Variants in KCNJ9 observed in about 807,000 individuals in gnomAD.
The protein encoded by KCNJ9 is G protein-activated inward rectifier potassium channel 3.
A neutral mutation model predicts 27.9 loss-of-function variants in KCNJ9; 18 were observed. That is an observed-to-expected ratio of 0.65 (90% confidence interval 0.45 to 0.96). The LOEUF is 0.96. Among genes scored for constraint, KCNJ9 ranks in the 40% least tolerant of loss-of-function variants. KCNJ9 has a pLI of 0.00. For missense variants in KCNJ9, 324 were observed against 557.5 expected, an observed-to-expected ratio of 0.58 and a Z score of 4.22; for synonymous variants, 229 against 248.2, an observed-to-expected ratio of 0.92 and a Z score of 0.73.
intron 1 of KCNJ9, among the ~76,000 whole-genome samples, chr1:160,082,461 CATTTT>C (rs1338638631): frequency 1.3e-5 from 2 of 152,182 alleles, no homozygotes; most frequent in Non-Finnish European, 2.9e-5. Context: ...AAAGCCATTT[CATTTT>C]GATTTCTCTT....
chr1:160,083,768 C>T, intron 1 of KCNJ9, 149 bp from the exon 2 acceptor site: 1 of 255,882 alleles, frequency 3.9e-6, no homozygotes, highest in Non-Finnish European at 7.3e-6. Flanking sequence ...GCCTGGGGGG[C>T]AGTTAGGGCT....
Position 160,088,938 on chromosome 1 carries a change from A to C in KCNJ9, c.*1121A>C, listed in dbSNP as rs749668439. On this transcript the variant is annotated 3_prime_UTR_variant, in exon 3 of 3. Coordinates refer to ENST00000368088, the MANE Select transcript of KCNJ9 (RefSeq NM_004983.3). ...TGTGGGTGATCAGAAGGCTGGGGCC[A>C]GTGTAAGGCATAGGGAATATGTAAG... 6.6e-6 allele frequency: 1 copy of C among 152,268 alleles called. No individual in the cohort carries two copies. Among genetic ancestry groups the C allele is most frequent in the Non-Finnish European group, 1.5e-5 (1 of 68,086 alleles). The allele number at this position is 152,268 out of a possible 1,614,324, so 9.4% of individuals were successfully genotyped here.
intron 2 of KCNJ9, among the ~76,000 whole-genome samples, 196 bp downstream of exon 2, chr1:160,085,076 T>G (rs1051859904): frequency 2.0e-5 from 3 of 152,186 alleles, no homozygotes; most frequent in Non-Finnish European, 4.4e-5. Flanking sequence ...AGAGAAAGCT[T>G]GGAGGAATTC....
At position 160,083,970 on chromosome 1, in the gene KCNJ9, C is replaced by G. The variant is rs922829719; in HGVS notation, c.-61C>G. ...GCGCCCAGCGACGCGCGGCAGGTGGCAGCAGCTCGGGCCCCCGCCGCACTC... is the reference window on the plus strand; with the variant it reads ...GCGCCCAGCGACGCGCGGCAGGTGGGAGCAGCTCGGGCCCCCGCCGCACTC... On this transcript the variant is annotated 5_prime_UTR_variant, in exon 2 of 3. Coordinates refer to ENST00000368088, the MANE Select transcript of KCNJ9 (RefSeq NM_004983.3). 5.0e-6 allele frequency: 6 copies of G among 1,205,586 alleles called. No individual in the cohort carries two copies. The African/African-American group carries it at 9.5e-5, about 19-fold the overall frequency. 74.7% of individuals were successfully genotyped at this position (1,205,586 alleles called of 1,614,324 possible).
rs1216201214 is a variant in KCNJ9 at position 160,084,276 on chromosome 1, C to T, written c.246C>T (p.Ile82=). The T allele has an allele frequency of 6.2e-7, 1 of 1,613,374 alleles. No homozygotes were observed. The highest frequency in any genetic ancestry group is 1.7e-5 in the Admixed American group (1 of 60,018). ...WLFFGAIWWL[I]AYGRGDLEHL... ...TCTTCGGCGCCATCTGGTGGCTGAT[C>T]GCCTACGGCCGCGGCGACCTGGAGC... The change falls in exon 2 of 3, where the codon ATC becomes ATT. Residue 82 remains isoleucine, a synonymous_variant. Transcript: ENST00000368088.
In KCNJ9 at chr1:160,088,568, GA is replaced by G; in HGVS notation, c.*755del. The G allele has an allele frequency of 6.5e-6, 1 of 152,728 alleles. No individual in the cohort carries two copies. The highest frequency in any genetic ancestry group is 1.5e-5 in the Non-Finnish European group (1 of 68,348). The allele number at this position is 152,728 out of a possible 1,614,324, so 9.5% of individuals were successfully genotyped here. On this transcript the variant is annotated 3_prime_UTR_variant, in exon 3 of 3. Coordinates refer to ENST00000368088, the MANE Select transcript of KCNJ9 (RefSeq NM_004983.3). Reference sequence around the variant, plus strand: ...GGGCCTGGAGAGGGGCCTGGGAAAGGAAAACCAGGGATAGCTATTTTCTTAC... The same window carrying G: ...GGGCCTGGAGAGGGGCCTGGGAAAGGAAACCAGGGATAGCTATTTTCTTAC...
intron 1 of KCNJ9, among the ~76,000 whole-genome samples, chr1:160,082,399 C>G (rs1446425118): frequency 6.6e-6 from 1 of 152,134 alleles, no homozygotes; most frequent in Non-Finnish European, 1.5e-5. Context: ...GCTCTTGGAC[C>G]CTGTGTCCCC....
intron 2 of KCNJ9, 32 bp downstream of exon 2, chr1:160,084,912 T>TG: frequency 9.1e-7 from 1 of 1,101,328 alleles, no homozygotes; most frequent in Non-Finnish European, 1.2e-6. Context: ...GGAGCGGGGT[T>TG]GGCAGAGGGT....
chr1:160,082,229 G>A (rs1649689497), intron 1 of KCNJ9, among the ~76,000 whole-genome samples: 2 of 152,322 alleles, frequency 1.3e-5, no homozygotes, highest in Admixed American at 1.3e-4. Context: ...GCCCACCTGG[G>A]ACTAAAGCTA....
In KCNJ9 at chr1:160,088,017, T is replaced by A. The variant is rs1019868043; in HGVS notation, c.*200T>A. ...GGGAGGGGTCCTGATTTCAGGGAAA[T>A]GGAGGGTGGGGCCGGGTGAAAATGC... is the stretch of plus-strand genomic sequence containing the variant. On this transcript the variant is annotated 3_prime_UTR_variant, in exon 3 of 3. Transcript: ENST00000368088. 4.4e-6 allele frequency: 2 copies of A among 453,598 alleles called. No individual in the cohort carries two copies. The highest frequency in any genetic ancestry group is 7.4e-6 in the Non-Finnish European group (2 of 269,554). 28.1% of individuals were successfully genotyped at this position (453,598 alleles called of 1,614,324 possible). A position where few individuals can be genotyped will look rare whatever the true frequency, so the allele number is the denominator to read the frequency against.
At position 160,089,180 on chromosome 1, in the gene KCNJ9, A is replaced by T. The variant is rs1033070518; in HGVS notation, c.*1363A>T. The T allele has an allele frequency of 1.3e-5, 2 of 152,346 alleles. No individual in the cohort carries two copies. Among genetic ancestry groups the T allele is most frequent in the African/African-American group, 4.8e-5 (2 of 41,462 alleles). 9.4% of individuals were successfully genotyped at this position (152,346 alleles called of 1,614,324 possible). On this transcript the variant is annotated 3_prime_UTR_variant, in exon 3 of 3. Coordinates refer to ENST00000368088, the MANE Select transcript of KCNJ9 (RefSeq NM_004983.3). ...GAATACTTGGAAGTCGTTTCAGGAC[A>T]TGGGGCATAGAAACTGAGGAGTAGC... is the stretch of plus-strand genomic sequence containing the variant.
Position 160,087,613 on chromosome 1 carries a change from T to C in KCNJ9, c.978T>C (p.Phe326=). Residue 326 remains phenylalanine (F), a synonymous_variant, in exon 3 of 3, where the codon TTT becomes TTC. Coordinates refer to ENST00000368088, the MANE Select transcript of KCNJ9 (RefSeq NM_004983.3). Reference sequence around the variant, plus strand: ...ACTATGCCAGCTTTCACGAGACTTTTGAGGTGCCCACACCTTCGTGCAGTG... The same window carrying C: ...ACTATGCCAGCTTTCACGAGACTTTCGAGGTGCCCACACCTTCGTGCAGTG... ...EVDYASFHET[F]EVPTPSCSAR... 1 of 1,613,566 alleles carries C rather than the reference T, an allele frequency of 6.2e-7. No individual in the cohort carries two copies. Among genetic ancestry groups the C allele is most frequent in the Non-Finnish European group, 8.5e-7 (1 of 1,179,860 alleles).
At position 160,089,624 on chromosome 1, in the gene KCNJ9, A is replaced by C. The variant is rs1649857095; in HGVS notation, c.*1807A>C. The C allele has an allele frequency of 1.3e-5, 2 of 152,276 alleles. No individual in the cohort carries two copies. The highest frequency in any genetic ancestry group is 4.8e-5 in the African/African-American group (2 of 41,466). 9.4% of individuals were successfully genotyped at this position (152,276 alleles called of 1,614,324 possible). Reference sequence around the variant, plus strand: ...GCCCAATTGGGCCAGGGGGTCCCAAAGACGCATATTCTCACCCCACCTCCA... The same window carrying C: ...GCCCAATTGGGCCAGGGGGTCCCAACGACGCATATTCTCACCCCACCTCCA... On this transcript the variant is annotated 3_prime_UTR_variant, in exon 3 of 3. Coordinates refer to ENST00000368088, the MANE Select transcript of KCNJ9 (RefSeq NM_004983.3).
rs1264306935 is a variant in KCNJ9, at chr1:160,089,645, C to T, written c.*1828C>T. 1 of 152,344 alleles carries T rather than the reference C, an allele frequency of 6.6e-6. No individual in the cohort carries two copies. The highest frequency in any genetic ancestry group is 1.5e-5 in the Non-Finnish European group (1 of 68,118). 9.4% of individuals were successfully genotyped at this position (152,344 alleles called of 1,614,324 possible). A position where few individuals can be genotyped will look rare whatever the true frequency, so the allele number is the denominator to read the frequency against. ...CCAAAGACGCATATTCTCACCCCAC[C>T]TCCACCTGCTTCCTGATCACATCCC... On this transcript the variant is annotated 3_prime_UTR_variant, in exon 3 of 3. Transcript: ENST00000368088.
At position 160,084,702 on chromosome 1, in the gene KCNJ9, C is replaced by G. The variant is rs767949271; in HGVS notation, c.672C>G (p.His224Gln). Residue 224 changes from histidine to glutamine, a missense_variant, in exon 2 of 3, where the codon CAC (histidine) becomes CAG (glutamine). By Grantham distance (24) the His-to-Gln change is conservative. Transcript: ENST00000368088. ...QTLEGEFIPL[H>Q]QTDLSVGFDT... ...TGGAGGGCGAGTTCATCCCGCTGCACCAGACCGACCTCAGCGTGGGCTTCG... is the reference window on the plus strand; with the variant it reads ...TGGAGGGCGAGTTCATCCCGCTGCAGCAGACCGACCTCAGCGTGGGCTTCG... 6.3e-7 allele frequency: 1 copy of G among 1,591,796 alleles called. No homozygotes were observed. The highest frequency in any genetic ancestry group is 1.3e-5 in the African/African-American group (1 of 74,606).
chr1:160,083,906 C>A lies in KCNJ9; in HGVS notation c.-114-11C>A. Reference sequence around the variant, plus strand: ...CCCGAGGGGCCACTCATTCGGCAAACCTTTATTAAGCCCCTCCAGGACCCC... The same window carrying A: ...CCCGAGGGGCCACTCATTCGGCAAAACTTTATTAAGCCCCTCCAGGACCCC... On this transcript the variant is annotated splice_polypyrimidine_tract_variant and intron_variant, in intron 1 of 2. Transcript: ENST00000368088. 2 of 916,152 alleles carry A rather than the reference C, an allele frequency of 2.2e-6. No individual in the cohort carries two copies. Among genetic ancestry groups the A allele is most frequent in the African/African-American group, 1.8e-5 (1 of 57,106 alleles). 56.8% of individuals were successfully genotyped at this position (916,152 alleles called of 1,614,324 possible). A position where few individuals can be genotyped will look rare whatever the true frequency, so the allele number is the denominator to read the frequency against.
chr1:160,089,379 G>A lies in KCNJ9; in HGVS notation c.*1562G>A, dbSNP rs1387551546. 1 of 152,368 alleles carries A rather than the reference G, an allele frequency of 6.6e-6. No homozygotes were observed. Among genetic ancestry groups the A allele is most frequent in the African/African-American group, 2.4e-5 (1 of 41,444 alleles). The allele number at this position is 152,368 out of a possible 1,614,324, so 9.4% of individuals were successfully genotyped here. A position where few individuals can be genotyped will look rare whatever the true frequency, so the allele number is the denominator to read the frequency against. On this transcript the variant is annotated 3_prime_UTR_variant, in exon 3 of 3. Coordinates refer to ENST00000368088, the MANE Select transcript of KCNJ9 (RefSeq NM_004983.3). ...AATGGAAACAGGGCAGTGACAAGTG[G>A]AGGGGGTGTCTGGAAGCTGAGCAGG...
In KCNJ9 at chr1:160,087,356, T is replaced by C. The variant is rs376370205; in HGVS notation, c.851-130T>C. On this transcript the variant is annotated intron_variant, in intron 2 of 2. Transcript: ENST00000368088. ...GAGCTAGGGAGGGGGGGAAATGGAC[T>C]GGACCAAAGGGAGGTGGGAGCCCTT... 8 of 1,331,268 alleles carry C rather than the reference T, an allele frequency of 6.0e-6. No homozygotes were observed. The Middle Eastern group carries it at 1.2e-3, about 204-fold the overall frequency. 82.5% of individuals were successfully genotyped at this position (1,331,268 alleles called of 1,614,324 possible). A position where few individuals can be genotyped will look rare whatever the true frequency, so the allele number is the denominator to read the frequency against.
intron 1 of KCNJ9, among the ~76,000 whole-genome samples, chr1:160,082,004 C>T (rs1649686040): frequency 6.6e-6 from 1 of 152,190 alleles, no homozygotes; most frequent in African/African-American, 2.4e-5. Context: ...CACACTTTTC[C>T]TTCCCCTGAG....
Sources: allele counts gnomAD v4.1 joint callset (sites outside exome capture counted in the v4.1 genomes callset), GRCh38; gene constraint gnomAD v4.1.1; transcripts MANE v1.5; gene names NCBI Gene and HGNC (gene_info 2026-07-23, HGNC 2026-07-21).